Variants in RFC3 observed in about 807,000 individuals in gnomAD.
RFC3 encodes A1 38 kDa subunit.
A neutral mutation model predicts 45.1 loss-of-function variants in RFC3; 41 were observed. The observed-to-expected ratio is 0.91, with a 90% CI of 0.71 to 1.18. The LOEUF (loss-of-function observed/expected upper bound fraction) is 1.18. RFC3 is among the 50% of genes most tolerant of loss of function. The pLI is 0.00. For synonymous variants in RFC3, 149 were observed against 144.0 expected, an observed-to-expected ratio of 1.03 and a Z score of -0.25; for missense variants, 423 against 428.1, an observed-to-expected ratio of 0.99 and a Z score of 0.10.
intron 8 of RFC3, among the ~76,000 whole-genome samples, chr13:33,945,181 T>G (rs972656366): frequency 1.3e-5 from 2 of 152,180 alleles, no homozygotes; most frequent in Non-Finnish European, 1.5e-5. Flanking sequence ...CATACTATTA[T>G]TTCCATTTTA....
At chr13:33,946,759 A>T (rs565971594) in intron 8 of RFC3, among the ~76,000 whole-genome samples, 60 of 152,356 alleles carry the variant, frequency 3.9e-4, no homozygotes, top group African/African-American at 1.4e-3. Context: ...AATCATTTTA[A>T]TAGTCTTTAT....
At chr13:33,905,517 A>G (rs2082667059) in intron 8 of RFC3, among the ~76,000 whole-genome samples, 1 of 152,098 alleles carries the variant, frequency 6.6e-6, no homozygotes, top group Non-Finnish European at 1.5e-5. Flanking sequence ...CTAAATGGCA[A>G]GAAAATAATT....
At chr13:33,931,121 T>G (rs530143411) in intron 8 of RFC3, among the ~76,000 whole-genome samples, 1 of 152,214 alleles carries the variant, frequency 6.6e-6, no homozygotes, top group African/African-American at 2.4e-5. Context: ...CTTGGACATA[T>G]TGAATTGTAG....
At chr13:33,835,247 A>G (rs1358838430) in intron 8 of RFC3, 30 bp downstream of exon 8, 1 of 1,489,298 alleles carries the variant, frequency 6.7e-7, no homozygotes. Context: ...TGAACTTTTT[A>G]CAGCTATAAA....
At chr13:33,944,373 T>C (rs1193577737) in intron 8 of RFC3, among the ~76,000 whole-genome samples, 1 of 152,216 alleles carries the variant, frequency 6.6e-6, no homozygotes, top group East Asian at 1.9e-4. Context: ...GCTCATTATA[T>C]GTGTGAAATT....
chr13:33,841,997 A>G (rs1412934620), downstream of RFC3, among the ~76,000 whole-genome samples: 1 of 152,130 alleles, frequency 6.6e-6, no homozygotes, highest in Admixed American at 6.6e-5. Context: ...TGAAAATATT[A>G]TGTGGCCAGG....
intron 8 of RFC3, chr13:33,847,733 T>TAA (rs2082248540): frequency 6.6e-6 from 1 of 152,228 alleles, no homozygotes; most frequent in Non-Finnish European, 1.5e-5. Context: ...TCTTATAACT[T>TAA]CAAAAATACA....
intron 8 of RFC3, chr13:33,846,622 A>C (rs574272075): frequency 2.0e-5 from 3 of 152,498 alleles, no homozygotes; most frequent in African/African-American, 7.2e-5. Flanking sequence ...CTGGTGTCTC[A>C]CTGGGTCTTG....
At chr13:33,956,486 T>G (rs912966396) in intron 8 of RFC3, among the ~76,000 whole-genome samples, 2 of 152,210 alleles carry the variant, frequency 1.3e-5, no homozygotes, top group Admixed American at 1.3e-4. Context: ...CCCTAAACTC[T>G]GCTAAACTAG....
At chr13:33,878,954 A>G (rs2082465149) in intron 8 of RFC3, among the ~76,000 whole-genome samples, 1 of 152,140 alleles carries the variant, frequency 6.6e-6, no homozygotes, top group Non-Finnish European at 1.5e-5. Context: ...AAAGGGGATG[A>G]GTGTGTGAAT....
At chr13:33,926,378 A>T (rs959006415) in intron 8 of RFC3, among the ~76,000 whole-genome samples, 9 of 151,248 alleles carry the variant, frequency 6.0e-5, no homozygotes, top group African/African-American at 1.2e-4. Context: ...TAAATAAATT[A>T]AAAAAAAATA....
At chr13:33,945,616 A>C (rs1312532208) in intron 8 of RFC3, among the ~76,000 whole-genome samples, 1 of 152,190 alleles carries the variant, frequency 6.6e-6, no homozygotes, top group Admixed American at 6.5e-5. Context: ...AGTGATATTA[A>C]AATACAGACC....
chr13:33,950,777 TC>T (rs1396909436), intron 8 of RFC3, among the ~76,000 whole-genome samples: 8 of 152,178 alleles, frequency 5.3e-5, no homozygotes, highest in African/African-American at 1.9e-4. Flanking sequence ...TCTCTCTCTC[TC>T]TCTCTTTGAA....
Position 33,821,156 on chromosome 13 carries a change from C to G in RFC3, c.112C>G (p.Leu38Val). 6 of 1,613,420 alleles carry G rather than the reference C, an allele frequency of 3.7e-6. No individual in the cohort carries two copies. Among genetic ancestry groups the G allele is most frequent in the South Asian group, 2.2e-5 (2 of 91,030 alleles). The change falls in exon 2 of 9, where the codon CTG becomes GTG. Residue 38 changes from leucine (L) to valine (V), a missense_variant. Physicochemically the swap from Leu to Val is conservative, Grantham distance 32. Transcript: ENST00000380071. Reference sequence around the variant, plus strand: ...GGTGCAGTGTGGTGACTTTCCTCATCTGTTAGTGTACGGACCATCAGGTGC... The same window carrying G: ...GGTGCAGTGTGGTGACTTTCCTCATGTGTTAGTGTACGGACCATCAGGTGC... ...NLVQCGDFPH[L>V]LVYGPSGAGK...
At chr13:33,896,009 G>A (rs564821093) in intron 8 of RFC3, among the ~76,000 whole-genome samples, 77 of 152,122 alleles carry the variant, frequency 5.1e-4, no homozygotes, top group African/African-American at 1.3e-3. Flanking sequence ...GACTCAGAAT[G>A]GGGGAGAGTG....
chr13:33,917,776 C>T (rs747550790), intron 8 of RFC3, among the ~76,000 whole-genome samples: 2 of 151,982 alleles, frequency 1.3e-5, no homozygotes, highest in South Asian at 4.1e-4. Flanking sequence ...ATTTTTCTCA[C>T]TTAAAAATGA....
At chr13:33,896,118 T>C (rs2082596516) in intron 8 of RFC3, among the ~76,000 whole-genome samples, 1 of 151,822 alleles carries the variant, frequency 6.6e-6, no homozygotes, top group Non-Finnish European at 1.5e-5. Context: ...ACAATTTGTT[T>C]GCATAACAAA....
intron 8 of RFC3, among the ~76,000 whole-genome samples, chr13:33,961,711 G>T (rs2083058135): frequency 6.6e-6 from 1 of 152,160 alleles, no homozygotes. Flanking sequence ...GAGGCAGGCT[G>T]CAGATACAAG....
intron 7 of RFC3, among the ~76,000 whole-genome samples, chr13:33,831,951 T>G (rs1459800952): frequency 6.6e-6 from 1 of 152,232 alleles, no homozygotes; most frequent in African/African-American, 2.4e-5. Context: ...TAGATGACCA[T>G]GCGTTCTACT....
Sources: allele counts gnomAD v4.1 joint callset (sites outside exome capture counted in the v4.1 genomes callset), GRCh38; gene constraint gnomAD v4.1.1; transcripts MANE v1.5; gene names NCBI Gene and HGNC (gene_info 2026-07-23, HGNC 2026-07-21).